Variants in STAG1 observed in about 807,000 individuals in gnomAD.
The protein encoded by STAG1 is STAG1 cohesin complex component, also known as cohesin subunit SA-1.
STAG1 carries 26 observed loss-of-function variants against 170.9 expected under a neutral mutation model. That is an observed-to-expected ratio of 0.15 (90% CI 0.11 to 0.21). The LOEUF is 0.21. Among genes scored for constraint, STAG1 ranks in the 10% least tolerant of loss-of-function variants. STAG1 has a pLI of 1.00. For synonymous variants in STAG1, 514 were observed against 497.7 expected, an observed-to-expected ratio of 1.03 and a Z score of -0.44; for missense variants, 964 against 1,509.5, an observed-to-expected ratio of 0.64 and a Z score of 5.99.
intron 1 of STAG1, among the ~76,000 whole-genome samples, chr3:136,688,164 T>A (rs968704607): frequency 1.3e-5 from 2 of 151,988 alleles, no homozygotes; most frequent in African/African-American, 4.8e-5. Flanking sequence ...CAGTCAGGAG[T>A]GAGGGCCTTT....
intron 4 of STAG1, among the ~76,000 whole-genome samples, chr3:136,592,186 A>G (rs113962407): frequency 4.6e-5 from 7 of 152,272 alleles, no homozygotes; most frequent in African/African-American, 1.4e-4. Flanking sequence ...ACTTGCTGAT[A>G]TAGTTTGGCT....
At chr3:136,639,558 T>C (rs1940713248) in intron 1 of STAG1, among the ~76,000 whole-genome samples, 1 of 152,090 alleles carries the variant, frequency 6.6e-6, no homozygotes, top group African/African-American at 2.4e-5. Flanking sequence ...TAAGGAACAA[T>C]AAAAATATTC....
At chr3:136,736,077 G>A (rs949011790) in intron 1 of STAG1, among the ~76,000 whole-genome samples, 1 of 152,174 alleles carries the variant, frequency 6.6e-6, no homozygotes, top group Non-Finnish European at 1.5e-5. Context: ...GAAGCGAAGG[G>A]GCTTCCTAAG....
At chr3:136,493,858 A>G (rs113745019) in intron 9 of STAG1, among the ~76,000 whole-genome samples, 106 of 152,250 alleles carry the variant, frequency 7.0e-4, no homozygotes, top group African/African-American at 2.5e-3. Flanking sequence ...ACCCCCCAAA[A>G]ATTAAAACAA....
At chr3:136,623,052 G>A in intron 3 of STAG1, 94 bp downstream of exon 3, 1 of 1,054,190 alleles carries the variant, frequency 9.5e-7, no homozygotes, top group Non-Finnish European at 1.4e-6. Context: ...TTTTTTTTAA[G>A]TATTAACCAT....
chr3:136,567,553 T>C (rs1043355513), intron 5 of STAG1, among the ~76,000 whole-genome samples: 2 of 152,212 alleles, frequency 1.3e-5, no homozygotes, highest in Non-Finnish European at 2.9e-5. Context: ...CATTCACACA[T>C]ATATACAGAG....
chr3:136,591,293 GGGAAGGCA>G (rs1456302418), intron 4 of STAG1, among the ~76,000 whole-genome samples: 3 of 149,540 alleles, frequency 2.0e-5, no homozygotes, highest in East Asian at 1.9e-4. Context: ...GCGGGAAGGT[GGGAAGGCA>G]GGAAGGCAGG....
At chr3:136,578,706 AT>A (rs1357524448) in intron 4 of STAG1, among the ~76,000 whole-genome samples, 1 of 152,232 alleles carries the variant, frequency 6.6e-6, no homozygotes, top group Non-Finnish European at 1.5e-5. Flanking sequence ...TCAAAATGCC[AT>A]TGCAGTCCAC....
intron 9 of STAG1, among the ~76,000 whole-genome samples, chr3:136,490,766 CAT>C (rs1238400341): frequency 3.3e-5 from 5 of 152,098 alleles, no homozygotes; most frequent in African/African-American, 1.2e-4. Flanking sequence ...TTCATTGTAA[CAT>C]AAAAGGATGA....
rs543675093 is a variant in STAG1 at position 136,665,073 on chromosome 3, A to G, written c.-83-34092T>C. On this transcript the variant is annotated intron_variant, in intron 1 of 33. Transcript: ENST00000383202. ...CTTTTTTACATCTTCTCCCTTTTTG[A>G]ACCAGAATGTCTATTACTGTCCCAA... Among the ~76,000 whole-genome samples the G allele has an allele frequency of 1.2e-4, 19 of 152,264 alleles. No homozygotes were observed. The South Asian group carries it at 3.5e-3, about 28-fold the overall frequency.
chr3:136,424,981 A>G (rs1373019511), intron 16 of STAG1, among the ~76,000 whole-genome samples: 1 of 152,164 alleles, frequency 6.6e-6, no homozygotes, highest in African/African-American at 2.4e-5. Context: ...CTGGGATTAC[A>G]GGCACGCACC....
intron 1 of STAG1, among the ~76,000 whole-genome samples, chr3:136,647,104 A>G (rs1388584590): frequency 6.6e-6 from 1 of 152,130 alleles, no homozygotes; most frequent in South Asian, 2.1e-4. Context: ...TTTTTAAAAA[A>G]CTTAAATCGT....
At position 136,386,887 on chromosome 3, in the gene STAG1, T is replaced by C. The variant is rs149980095; in HGVS notation, c.2278-9135A>G. Among the ~76,000 whole-genome samples, 233 of 152,292 alleles carry C rather than the reference T, an allele frequency of 1.5e-3. 1 individual carries two copies. The highest frequency in any genetic ancestry group is 5.2e-3 in the African/African-American group (217 of 41,566). On this transcript the variant is annotated intron_variant, in intron 22 of 33. Coordinates refer to ENST00000383202, the MANE Select transcript of STAG1 (RefSeq NM_005862.3). ...ACTAATTAGTAAACACATAAAACTTTAGCTCAACATTATCTGACAAATATA... is the reference window on the plus strand; with the variant it reads ...ACTAATTAGTAAACACATAAAACTTCAGCTCAACATTATCTGACAAATATA...
At chr3:136,502,842 A>G in intron 7 of STAG1, 63 bp from the exon 8 acceptor site, 1 of 1,292,282 alleles carries the variant, frequency 7.7e-7, no homozygotes, top group South Asian at 2.3e-5. Flanking sequence ...AAGATTACAA[A>G]TTTATAAAGC....
chr3:136,450,678 A>G (rs1303928339), intron 14 of STAG1, among the ~76,000 whole-genome samples: 1 of 152,222 alleles, frequency 6.6e-6, no homozygotes, highest in East Asian at 1.9e-4. Context: ...TTTTTAACAA[A>G]TAAAATTGAG....
chr3:136,489,750 A>G (rs1420333087), intron 9 of STAG1, among the ~76,000 whole-genome samples: 2 of 152,238 alleles, frequency 1.3e-5, no homozygotes, highest in Admixed American at 6.5e-5. Flanking sequence ...GAAAAGTCAT[A>G]CTGTATCCTT....
At chr3:136,502,592 A>G (rs754230596) in intron 8 of STAG1, 36 bp downstream of exon 8, 2 of 1,602,044 alleles carry the variant, frequency 1.2e-6, no homozygotes, top group Admixed American at 3.4e-5. Flanking sequence ...CCACACATTT[A>G]CAGAACATAA....
chr3:136,364,019 C>T (rs1245165093), intron 25 of STAG1, among the ~76,000 whole-genome samples: 1 of 151,008 alleles, frequency 6.6e-6, no homozygotes, highest in African/African-American at 2.4e-5. Context: ...CTCAGCCTCC[C>T]AAAATGCTGG....
chr3:136,525,959 G>A (rs1450629480), intron 6 of STAG1, among the ~76,000 whole-genome samples: 1 of 152,200 alleles, frequency 6.6e-6, no homozygotes, highest in African/African-American at 2.4e-5. Context: ...TGGTCTGAGA[G>A]ACAGTTTGTT....
Sources: allele counts gnomAD v4.1 joint callset (sites outside exome capture counted in the v4.1 genomes callset), GRCh38; gene constraint gnomAD v4.1.1; transcripts MANE v1.5; gene names NCBI Gene and HGNC (gene_info 2026-07-23, HGNC 2026-07-21).